HIP1: variants seen among roughly 807,000 people sequenced by gnomAD.
HIP1 encodes huntingtin-interacting protein 1.
A neutral mutation model predicts 147.6 loss-of-function variants in HIP1; 65 were observed. The ratio of observed to expected loss-of-function variants is 0.44; its 90% CI spans 0.36 to 0.54. The LOEUF (loss-of-function observed/expected upper bound fraction) is 0.54, where lower values mean the gene tolerates loss of function less well. Ranked by LOEUF, HIP1 falls within the 20% of genes least tolerant of loss-of-function variation. HIP1 has a pLI of 0.00. For missense variants in HIP1, 1,061 were observed against 1,299.6 expected, an observed-to-expected ratio of 0.82 and a Z score of 2.82; for synonymous variants, 479 against 504.0, an observed-to-expected ratio of 0.95 and a Z score of 0.67.
intron 27 of HIP1, 32 bp downstream of exon 27, chr7:75,544,663 C>T (rs782344530): frequency 8.3e-6 from 11 of 1,329,584 alleles, no homozygotes; most frequent in Non-Finnish European, 1.1e-5. Context: ...ACCAGGCCTT[C>T]CAGCGTCCTA....
chr7:75,626,995 A>G (rs1554508096), intron 1 of HIP1: 2 of 152,152 alleles, frequency 1.3e-5, no homozygotes, highest in South Asian at 2.1e-4. Context: ...TTTTCTTTAT[A>G]CCTTTTCATA....
intron 1 of HIP1, among the ~76,000 whole-genome samples, chr7:75,688,235 C>T (rs937141160): frequency 1.3e-5 from 2 of 152,190 alleles, no homozygotes; most frequent in African/African-American, 4.8e-5. Context: ...GTGGGACCGC[C>T]CTTGTGAAGC....
chr7:75,727,372 A>C (rs530862599), intron 1 of HIP1, among the ~76,000 whole-genome samples: 14 of 150,064 alleles, frequency 9.3e-5, no homozygotes, highest in African/African-American at 2.9e-4. Flanking sequence ...CTAGGATTAC[A>C]GGCATGGGCC....
Position 75,644,824 on chromosome 7 carries a change from G to A in HIP1, c.121-45577C>T, listed in dbSNP as rs115914154. 3.6e-3 allele frequency among the ~76,000 whole-genome samples: 548 copies of A among 152,290 alleles called. 2 individuals carry two copies. Among genetic ancestry groups the A allele is most frequent in the African/African-American group, 0.012 (495 of 41,556 alleles). On this transcript the variant is annotated intron_variant, in intron 1 of 30. Transcript: ENST00000336926. ...CGCCTGCAAGCAAAGCCTTAGCCAGGGTGAGGGAGATCCCAGCCAGGCTGT... is the reference window on the plus strand; with the variant it reads ...CGCCTGCAAGCAAAGCCTTAGCCAGAGTGAGGGAGATCCCAGCCAGGCTGT...
intron 1 of HIP1, 40 bp from the exon 2 acceptor site, chr7:75,599,287 G>T: frequency 1.3e-6 from 2 of 1,495,300 alleles, no homozygotes; most frequent in South Asian, 1.1e-5. Flanking sequence ...AGGATGAGAT[G>T]AATAAGCCTC....
At chr7:75,605,010 G>A (rs1797168044) in intron 1 of HIP1, among the ~76,000 whole-genome samples, 2 of 152,268 alleles carry the variant, frequency 1.3e-5, no homozygotes, top group South Asian at 2.1e-4. Flanking sequence ...TGAAAGGAGA[G>A]AGAAACCTTT....
intron 1 of HIP1, among the ~76,000 whole-genome samples, chr7:75,669,268 G>C (rs1378702402): frequency 1.3e-5 from 2 of 152,192 alleles, no homozygotes; most frequent in Non-Finnish European, 2.9e-5. Context: ...AGCTACTCGG[G>C]AGGCTGAGGC....
intron 2 of HIP1, among the ~76,000 whole-genome samples, chr7:75,597,942 C>T (rs1014169586): frequency 2.0e-5 from 3 of 152,100 alleles, no homozygotes; most frequent in Non-Finnish European, 4.4e-5. Context: ...TCCTGCACCT[C>T]TCTACAAAGC....
chr7:75,563,540 C>T (rs1285153719), intron 9 of HIP1, among the ~76,000 whole-genome samples: 1 of 152,196 alleles, frequency 6.6e-6, no homozygotes, highest in Non-Finnish European at 1.5e-5. Context: ...CTGTAGAACA[C>T]ATGTTGTTAT....
chr7:75,664,602 A>G (rs573108600), intron 1 of HIP1, among the ~76,000 whole-genome samples: 1 of 145,378 alleles, frequency 6.9e-6, no homozygotes, highest in Non-Finnish European at 1.5e-5. Flanking sequence ...ATAGGGAGAG[A>G]GAGAGAGAGA....
rs782392081 is a variant in HIP1, at chr7:75,558,232, G to T, written c.1399C>A (p.Arg467=). 6.2e-7 allele frequency: 1 copy of T among 1,614,014 alleles called. No homozygotes were observed. The highest frequency in any genetic ancestry group is 8.5e-7 in the Non-Finnish European group (1 of 1,179,898). Reference sequence around the variant, plus strand: ...TACTTCTCCTTTAGCTTGCTATATCGCTGTTCATTGGCTTGAGCTTTCCCT... The same window carrying T: ...TACTTCTCCTTTAGCTTGCTATATCTCTGTTCATTGGCTTGAGCTTTCCCT... ...IERKAQANEQ[R]YSKLKEKYSE... Residue 467 remains arginine, a synonymous_variant, in exon 15 of 31, where the codon CGA becomes AGA. Transcript: ENST00000336926.
intron 1 of HIP1, among the ~76,000 whole-genome samples, chr7:75,710,134 G>A (rs1474024513): frequency 6.6e-6 from 1 of 152,116 alleles, no homozygotes. Context: ...CTAGGCTCAC[G>A]TGATCCTCCG....
At chr7:75,665,370 G>T (rs1554514513) in intron 1 of HIP1, among the ~76,000 whole-genome samples, 1 of 152,186 alleles carries the variant, frequency 6.6e-6, no homozygotes. Flanking sequence ...GAGGGATGGA[G>T]TTGTAGCTTG....
rs1554502192 is a variant in HIP1 at position 75,597,714 on chromosome 7, T to A, written c.184+1470A>T. Among the ~76,000 whole-genome samples, 6 of 119,532 alleles carry A rather than the reference T, an allele frequency of 5.0e-5. 1 individual carries two copies. The allele number at this position is 119,532 out of a possible 152,430, so 78.4% of individuals were successfully genotyped here. Reference sequence around the variant, plus strand: ...GAGATCATGCCACTGCACTCCAGCCTAGGCGACAGAGCAAGACTCTGTCTC... The same window carrying A: ...GAGATCATGCCACTGCACTCCAGCCAAGGCGACAGAGCAAGACTCTGTCTC... On this transcript the variant is annotated intron_variant, in intron 2 of 30. Transcript: ENST00000336926.
intron 1 of HIP1, among the ~76,000 whole-genome samples, chr7:75,679,513 T>C (rs1023850384): frequency 6.6e-6 from 1 of 152,126 alleles, no homozygotes; most frequent in African/African-American, 2.4e-5. Flanking sequence ...CAACAATGAA[T>C]CTCTATTTGC....
intron 1 of HIP1, among the ~76,000 whole-genome samples, chr7:75,658,328 T>C (rs1416296888): frequency 6.6e-6 from 1 of 152,206 alleles, no homozygotes; most frequent in Non-Finnish European, 1.5e-5. Flanking sequence ...CCTCAGGTGA[T>C]ACCCCCCAAC....
chr7:75,687,833 AG>A (rs1800317802), intron 1 of HIP1, among the ~76,000 whole-genome samples: 1 of 151,898 alleles, frequency 6.6e-6, no homozygotes, highest in African/African-American at 2.4e-5. Context: ...CTCTCTTCCC[AG>A]CCCCTACTCC....
chr7:75,589,143 T>TGG (rs1554500109), intron 4 of HIP1, among the ~76,000 whole-genome samples: 9 of 137,818 alleles, frequency 6.5e-5, no homozygotes, highest in African/African-American at 2.5e-4. Context: ...AGAGCAAAAC[T>TGG]CTGTCTTAAA....
At chr7:75,611,354 C>T (rs1418434779) in intron 1 of HIP1, among the ~76,000 whole-genome samples, 4 of 151,662 alleles carry the variant, frequency 2.6e-5, no homozygotes, top group African/African-American at 9.7e-5. Context: ...GTAGTCCCAG[C>T]CACTTGGGAG....
Sources: allele counts gnomAD v4.1 joint callset (sites outside exome capture counted in the v4.1 genomes callset), GRCh38; gene constraint gnomAD v4.1.1; transcripts MANE v1.5; gene names NCBI Gene and HGNC (gene_info 2026-07-23, HGNC 2026-07-21).